Variants in GRM3 observed in about 807,000 individuals in gnomAD.
The protein encoded by GRM3 is glutamate metabotropic receptor 3.
A neutral mutation model predicts 70.5 loss-of-function variants in GRM3; 26 were observed. The ratio of observed to expected loss-of-function variants is 0.37; its 90% CI spans 0.27 to 0.51. GRM3 has a LOEUF of 0.51. Ranked by LOEUF, GRM3 falls within the 20% of genes least tolerant of loss-of-function variation. The pLI is 0.93. For missense variants in GRM3, 859 were observed against 1,123.8 expected (o/e 0.76, Z 3.37); for synonymous variants, 443 against 434.9 (o/e 1.02, Z -0.23).
chr7:86,706,374 G>A (rs940166342), intron 1 of GRM3, among the ~76,000 whole-genome samples: 1 of 152,044 alleles, frequency 6.6e-6, no homozygotes, highest in Non-Finnish European at 1.5e-5. Flanking sequence ...AGAGACCAGG[G>A]TCTCAGCTTT....
rs143065818 is a variant in GRM3, at chr7:86,767,882, T to C, written c.468+2269T>C. Among the ~76,000 whole-genome samples the C allele has an allele frequency of 5.3e-3, 809 of 152,128 alleles. 4 individuals carry two copies. Among genetic ancestry groups the C allele is most frequent in the African/African-American group, 0.018 (767 of 41,512 alleles). The stretch of plus-strand genomic sequence containing the variant: ...AGTCAGACTAGTTTAGAGGAAAAAA[T>C]GTGGGCTACCAAAACCCTGTACTAG... On this transcript the variant is annotated intron_variant, in intron 2 of 5. Transcript: ENST00000361669.
At chr7:86,843,058 A>G (rs1421450955) in intron 4 of GRM3, among the ~76,000 whole-genome samples, 1 of 152,142 alleles carries the variant, frequency 6.6e-6, no homozygotes, top group Non-Finnish European at 1.5e-5. Flanking sequence ...GTTCATTTAG[A>G]TAATGTTTAA....
chr7:86,718,405 G>A (rs535005828), intron 1 of GRM3, among the ~76,000 whole-genome samples: 1 of 152,116 alleles, frequency 6.6e-6, no homozygotes, highest in South Asian at 2.1e-4. Context: ...CATGTTGTGT[G>A]TGTATGTGTG....
intron 3 of GRM3, among the ~76,000 whole-genome samples, chr7:86,796,463 T>C (rs1797552873): frequency 6.6e-6 from 1 of 152,184 alleles, no homozygotes; most frequent in Admixed American, 6.5e-5. Context: ...TGGGTTACAG[T>C]AGCCTTGTTG....
At chr7:86,816,539 T>C (rs992369109) in intron 3 of GRM3, among the ~76,000 whole-genome samples, 6 of 151,940 alleles carry the variant, frequency 3.9e-5, no homozygotes, top group African/African-American at 1.4e-4. Flanking sequence ...AGTGAGAACA[T>C]GCATATTTGG....
At chr7:86,848,360 TAA>T (rs1463503991) in intron 4 of GRM3, among the ~76,000 whole-genome samples, 1 of 152,110 alleles carries the variant, frequency 6.6e-6, no homozygotes, top group Admixed American at 6.6e-5. Context: ...CAGCGCTGAT[TAA>T]AGAGTAATAA....
rs1262752759 is a variant in GRM3 at position 86,864,611 on chromosome 7, G to T, written c.*256G>T. The T allele has an allele frequency of 2.5e-5, 6 of 241,852 alleles. No homozygotes were observed. The highest frequency in any genetic ancestry group is 1.4e-4 in the East Asian group (2 of 14,542). The allele number at this position is 241,852 out of a possible 1,614,324, so 15.0% of individuals were successfully genotyped here. Reference sequence around the variant, plus strand: ...TACAGAGCTGAGCATTGGTGACAGGGTCTGACATGGTCAGTCTACTAAAAA... The same window carrying T: ...TACAGAGCTGAGCATTGGTGACAGGTTCTGACATGGTCAGTCTACTAAAAA... On this transcript the variant is annotated 3_prime_UTR_variant, in exon 6 of 6. Transcript: ENST00000361669.
chr7:86,652,511 A>G (rs1046185762), intron 1 of GRM3, among the ~76,000 whole-genome samples: 4 of 151,964 alleles, frequency 2.6e-5, no homozygotes, highest in Non-Finnish European at 5.9e-5. Context: ...TTGTATTTTT[A>G]GTAGAGATGG....
intron 1 of GRM3, among the ~76,000 whole-genome samples, chr7:86,728,349 A>G (rs1795640759): frequency 6.6e-6 from 1 of 152,212 alleles, no homozygotes; most frequent in African/African-American, 2.4e-5. Context: ...TGGAATACAG[A>G]GAAAAACATT....
At chr7:86,846,838 G>A (rs1459194895) in intron 4 of GRM3, among the ~76,000 whole-genome samples, 2 of 152,186 alleles carry the variant, frequency 1.3e-5, no homozygotes, top group Non-Finnish European at 2.9e-5. Context: ...AAAGCCATGT[G>A]TCTGTTGGCG....
chr7:86,769,518 T>G (rs1009506635), intron 2 of GRM3, among the ~76,000 whole-genome samples: 2 of 152,126 alleles, frequency 1.3e-5, no homozygotes, highest in African/African-American at 4.8e-5. Context: ...CTCTGCTGAA[T>G]TGCTTCAGGA....
intron 2 of GRM3, among the ~76,000 whole-genome samples, chr7:86,770,490 A>C (rs147818635): frequency 5.1e-4 from 77 of 152,208 alleles, no homozygotes; most frequent in Non-Finnish European, 7.8e-4. Flanking sequence ...TACCCCTGAG[A>C]AGAATAACTC....
chr7:86,838,813 T>G (rs1172335739), intron 3 of GRM3, 26 bp from the exon 4 acceptor site: 11 of 1,374,302 alleles, frequency 8.0e-6, no homozygotes, highest in Non-Finnish European at 1.1e-5. Flanking sequence ...AGTGTTCTTT[T>G]TTTTCTTTCA....
chr7:86,720,980 C>A (rs1795447814), intron 1 of GRM3, among the ~76,000 whole-genome samples: 1 of 151,970 alleles, frequency 6.6e-6, no homozygotes, highest in Non-Finnish European at 1.5e-5. Flanking sequence ...GAGAAATAAG[C>A]AAGGTAACAG....
At chr7:86,673,865 T>G (rs1794236920) in intron 1 of GRM3, among the ~76,000 whole-genome samples, 1 of 152,096 alleles carries the variant, frequency 6.6e-6, no homozygotes, top group Non-Finnish European at 1.5e-5. Flanking sequence ...ATTCTCTAAG[T>G]TCAAGAAATT....
At chr7:86,829,511 A>G (rs1798307745) in intron 3 of GRM3, among the ~76,000 whole-genome samples, 1 of 152,200 alleles carries the variant, frequency 6.6e-6, no homozygotes, top group Non-Finnish European at 1.5e-5. Context: ...TTTGACTTTA[A>G]GTGATTCTTT....
chr7:86,748,001 C>G (rs1796146123), intron 1 of GRM3, among the ~76,000 whole-genome samples: 1 of 152,078 alleles, frequency 6.6e-6, no homozygotes. Flanking sequence ...CCTCCTGTCT[C>G]CCTGTGGTTA....
chr7:86,682,734 G>T (rs1363082717), intron 1 of GRM3, among the ~76,000 whole-genome samples: 1 of 151,950 alleles, frequency 6.6e-6, no homozygotes, highest in Non-Finnish European at 1.5e-5. Flanking sequence ...CAATCATTCA[G>T]CAACTATTTA....
At chr7:86,854,027 T>C (rs1798802191) in intron 5 of GRM3, among the ~76,000 whole-genome samples, 1 of 152,196 alleles carries the variant, frequency 6.6e-6, no homozygotes, top group Non-Finnish European at 1.5e-5. Context: ...ATAGCATAAT[T>C]GGTACCATAC....
Sources: gnomAD v4.1 joint callset for allele counts (sites outside exome capture counted in the v4.1 genomes callset) on GRCh38, gnomAD v4.1.1 for gene constraint, MANE v1.5 for transcripts, NCBI Gene and HGNC (gene_info 2026-07-23, HGNC 2026-07-21) for gene names.